The following FGD5 variants were observed in gnomAD, a reference collection of about 807,000 sequenced individuals.
FGD5 encodes the protein FYVE, RhoGEF and PH domain containing 5.
In FGD5, 28 loss-of-function variants were observed where a neutral mutation model predicts 133.4. The ratio of observed to expected loss-of-function variants is 0.21; its 90% confidence interval spans 0.16 to 0.29. The LOEUF is 0.29. Ranked by LOEUF, FGD5 falls within the 10% of genes least tolerant of loss-of-function variation. The pLI is 1.00. For missense variants in FGD5, 1,858 were observed against 1,895.2 expected, an observed-to-expected ratio of 0.98 and a Z score of 0.36; for synonymous variants, 810 against 776.5, an observed-to-expected ratio of 1.04 and a Z score of -0.72.
chr3:14,902,468 G>A (rs1272385864), intron 9 of FGD5, among the ~76,000 whole-genome samples: 1 of 152,098 alleles, frequency 6.6e-6, no homozygotes, highest in Non-Finnish European at 1.5e-5. Context: ...GTTGGGGACA[G>A]GATGGCAAGG....
At chr3:14,923,970 C>T (rs769074136) in intron 16 of FGD5, 38 bp from the exon 17 acceptor site, 3 of 1,612,614 alleles carry the variant, frequency 1.9e-6, no homozygotes, top group Non-Finnish European at 1.7e-6. Context: ...GCAGGCACGC[C>T]TCTCACCTCC....
intron 1 of FGD5, among the ~76,000 whole-genome samples, chr3:14,811,591 C>T (rs1035751554): frequency 6.6e-6 from 1 of 152,154 alleles, no homozygotes; most frequent in East Asian, 1.9e-4. Flanking sequence ...CATCGCGTTC[C>T]TGCTCTATGA....
In FGD5 at chr3:14,820,304, T is replaced by A. The variant is rs773595545; in HGVS notation, c.1233T>A (p.Pro411=). 3.7e-6 allele frequency: 6 copies of A among 1,607,452 alleles called. No homozygotes were observed. Among genetic ancestry groups the A allele is most frequent in the Non-Finnish European group, 5.1e-6 (6 of 1,176,430 alleles). ...GAGCGGCCGAGGGTCCCGCAGCCCCTGATGTGGTGGTCGTGCTGGAGGAGG... is the reference window on the plus strand; with the variant it reads ...GAGCGGCCGAGGGTCCCGCAGCCCCAGATGTGGTGGTCGTGCTGGAGGAGG... ...QGGAAEGPAA[P]DVVVVLEEEA... The change falls in exon 1 of 20, where the codon CCT becomes CCA. Residue 411 remains proline (P), a synonymous_variant. Coordinates refer to ENST00000285046, the MANE Select transcript of FGD5 (RefSeq NM_152536.4).
At chr3:14,865,533 C>T (rs541325698) in intron 2 of FGD5, among the ~76,000 whole-genome samples, 229 of 152,238 alleles carry the variant, frequency 1.5e-3, no homozygotes, top group African/African-American at 5.4e-3. Flanking sequence ...CTCCTTCACA[C>T]CCTCCCCACC....
intron 1 of FGD5, among the ~76,000 whole-genome samples, chr3:14,861,113 G>C (rs1411291738): frequency 6.6e-6 from 1 of 152,214 alleles, no homozygotes; most frequent in Non-Finnish European, 1.5e-5. Flanking sequence ...GAAAACATGA[G>C]GCAAATGATA....
chr3:14,890,539 C>CAAGTTGAT (rs2038007908), intron 4 of FGD5, among the ~76,000 whole-genome samples: 1 of 152,170 alleles, frequency 6.6e-6, no homozygotes, highest in African/African-American at 2.4e-5. Context: ...ATGATGGGCC[C>CAAGTTGAT]AAGTTGATGA....
At chr3:14,882,458 G>A (rs2037843690) in intron 4 of FGD5, 3 of 587,526 alleles carry the variant, frequency 5.1e-6, no homozygotes, top group South Asian at 7.4e-5. Context: ...AGCACTTTGG[G>A]AGGCCGAGGT....
rs1381002584 is a variant in FGD5, at chr3:14,864,642, T to TTAAAGGCTATCAGGGAATTTTGC, written c.2658+404_2658+405insCTAAAGGCTATCAGGGAATTTTG. On this transcript the variant is annotated intron_variant, in intron 2 of 19. Coordinates refer to ENST00000285046, the MANE Select transcript of FGD5 (RefSeq NM_152536.4). ...GTGGAAATCATGAGGGTGAGATGTG[T>TTAAAGGCTATCAGGGAATTTTGC]TAAAGGCTATCAGGGAATTTTGTGA... Among the ~76,000 whole-genome samples the TTAAAGGCTATCAGGGAATTTTGC allele has an allele frequency of 4.6e-5, 7 of 152,298 alleles. No individual in the cohort carries two copies. In the East Asian group the frequency reaches 1.2e-3, roughly 25 times the overall value.
chr3:14,810,872 G>T, intron 1 of FGD5: 1 of 985,208 alleles, frequency 1.0e-6, no homozygotes, highest in Non-Finnish European at 1.2e-6. Context: ...GCAGGTAGGA[G>T]GCCCGGCGAC....
chr3:14,885,207 A>G (rs748589672), intron 4 of FGD5, among the ~76,000 whole-genome samples: 4 of 151,620 alleles, frequency 2.6e-5, no homozygotes, highest in Non-Finnish European at 4.4e-5. Flanking sequence ...TATATTTGGA[A>G]GAAGGGGTCA....
At chr3:14,905,913 C>T (rs1032210209) in intron 9 of FGD5, among the ~76,000 whole-genome samples, 16 of 152,070 alleles carry the variant, frequency 1.1e-4, no homozygotes, top group African/African-American at 3.9e-4. Flanking sequence ...GTATTTACCC[C>T]TCAAGGTGGG....
Position 14,923,180 on chromosome 3 carries a change from C to A in FGD5, c.3937+5C>A. 3 of 1,611,264 alleles carry A rather than the reference C, an allele frequency of 1.9e-6. No homozygotes were observed. Among genetic ancestry groups the A allele is most frequent in the Non-Finnish European group, 1.7e-6 (2 of 1,178,960 alleles). ...CTGTCCCGGGCCTGATGAGAGGTAA[C>A]CTGGGGACCACTTGCCTTCTTCCAA... On this transcript the variant is annotated splice_donor_5th_base_variant and intron_variant, in intron 16 of 19. Coordinates refer to ENST00000285046, the MANE Select transcript of FGD5 (RefSeq NM_152536.4).
At chr3:14,913,312 A>G (rs1034859890) in intron 11 of FGD5, among the ~76,000 whole-genome samples, 3 of 152,140 alleles carry the variant, frequency 2.0e-5, no homozygotes, top group Non-Finnish European at 4.4e-5. Flanking sequence ...TCCCGCTGAC[A>G]GTTGTTCCAT....
In FGD5 at chr3:14,821,141, C is replaced by T. The variant is rs571040536; in HGVS notation, c.2070C>T (p.Ser690=). ...SSSESSYHGP[S]RILEVDRRSL... ...CAGAGTCCAGCTACCACGGGCCTTC[C>T]AGGATTCTGGAAGTTGACCGGAGAA... The change falls in exon 1 of 20, where the codon TCC becomes TCT. Residue 690 remains serine, a synonymous_variant. Coordinates refer to ENST00000285046, the MANE Select transcript of FGD5 (RefSeq NM_152536.4). 11 of 1,613,976 alleles carry T rather than the reference C, an allele frequency of 6.8e-6. No homozygotes were observed. In the East Asian group the frequency reaches 1.6e-4, roughly 23 times the overall value.
intron 1 of FGD5, among the ~76,000 whole-genome samples, chr3:14,846,252 A>G (rs2037049536): frequency 6.6e-6 from 1 of 152,136 alleles, no homozygotes; most frequent in Non-Finnish European, 1.5e-5. Context: ...TGGGGAGCCA[A>G]AAGATTGTAC....
chr3:14,818,819 G>C, upstream of FGD5: 2 of 921,296 alleles, frequency 2.2e-6, no homozygotes, highest in Non-Finnish European at 3.0e-6. Flanking sequence ...ATAAGCCTAA[G>C]ACAAAGCACG....
At chr3:14,834,937 T>G (rs2036786425) in intron 1 of FGD5, among the ~76,000 whole-genome samples, 1 of 152,216 alleles carries the variant, frequency 6.6e-6, no homozygotes, top group African/African-American at 2.4e-5. Context: ...ATATGTGATA[T>G]CATTAATCCT....
At chr3:14,861,223 G>A (rs914135642) in intron 1 of FGD5, among the ~76,000 whole-genome samples, 13 of 152,154 alleles carry the variant, frequency 8.5e-5, no homozygotes, top group South Asian at 2.1e-4. Flanking sequence ...AGAGCTGATC[G>A]TGAAGAAAGC....
At chr3:14,865,775 C>A (rs990243161) in intron 2 of FGD5, among the ~76,000 whole-genome samples, 3 of 152,244 alleles carry the variant, frequency 2.0e-5, no homozygotes, top group Non-Finnish European at 4.4e-5. Flanking sequence ...GTCTCAAGCA[C>A]AGCTCTGGCT....
Sources: allele counts gnomAD v4.1 joint callset (sites outside exome capture counted in the v4.1 genomes callset), GRCh38; gene constraint gnomAD v4.1.1; transcripts MANE v1.5; gene names NCBI Gene and HGNC (gene_info 2026-07-23, HGNC 2026-07-21).